The following IP6K2 variants were observed in gnomAD, a reference collection of about 807,000 sequenced individuals.
IP6K2 encodes ATP:1D-myo-inositol-hexakisphosphate phosphotransferase.
In IP6K2, 9 loss-of-function variants were observed where a neutral mutation model predicts 43.3. The observed-to-expected ratio is 0.21, with a 90% CI of 0.13 to 0.36. The LOEUF (loss-of-function observed/expected upper bound fraction) is 0.36, where lower values mean the gene tolerates loss of function less well. IP6K2 is among the 10% of genes least tolerant of loss of function. IP6K2 has a pLI of 1.00. For missense variants in IP6K2, 332 were observed against 538.4 expected, an observed-to-expected ratio of 0.62 and a Z score of 3.79; for synonymous variants, 209 against 202.4, an observed-to-expected ratio of 1.03 and a Z score of -0.28.
In IP6K2 at chr3:48,717,134, G is replaced by A. The variant is rs17523064; in HGVS notation, c.-131+23C>T. The A allele has an allele frequency of 5.2e-5, 8 of 154,964 alleles. No homozygotes were observed. In the East Asian group the frequency reaches 1.2e-3, roughly 22 times the overall value. 9.6% of individuals were successfully genotyped at this position (154,964 alleles called of 1,614,324 possible). A position where few individuals can be genotyped will look rare whatever the true frequency, so the allele number is the denominator to read the frequency against. ...CTCCCTCAAAGCTCCTCGGGCACTAGGGCCATAGGACGCGAGCTTTACCTG... is the reference window on the plus strand; with the variant it reads ...CTCCCTCAAAGCTCCTCGGGCACTAAGGCCATAGGACGCGAGCTTTACCTG... On this transcript the variant is annotated intron_variant, in intron 1 of 5. Transcript: ENST00000328631.
chr3:48,710,861 G>A lies in IP6K2; in HGVS notation c.-131+6296C>T, dbSNP rs563469040. ...CCTGACCTCGTGATCCATCCGCCTC[G>A]GCCGCCCAAAGTGCTGGGATTACAG... On this transcript the variant is annotated intron_variant, in intron 1 of 5. Coordinates refer to ENST00000328631, the MANE Select transcript of IP6K2 (RefSeq NM_016291.4). 1.6e-3 allele frequency among the ~76,000 whole-genome samples: 239 copies of A among 152,130 alleles called. 9 individuals carry two copies. The South Asian group carries it at 0.047, about 30-fold the overall frequency.
At chr3:48,704,354 T>C (rs1476379988) in intron 1 of IP6K2, among the ~76,000 whole-genome samples, 6 of 152,066 alleles carry the variant, frequency 3.9e-5, no homozygotes, top group African/African-American at 7.3e-5. Flanking sequence ...CATCCAGCAA[T>C]AGGAGATGAA....
chr3:48,704,498 G>A (rs1274451074), intron 1 of IP6K2, among the ~76,000 whole-genome samples: 1 of 150,388 alleles, frequency 6.6e-6, no homozygotes, highest in African/African-American at 2.5e-5. Context: ...TTTGAGACAG[G>A]GTCTCCATTG....
intron 1 of IP6K2, among the ~76,000 whole-genome samples, chr3:48,704,443 AT>A (rs2079455435): frequency 6.6e-6 from 1 of 151,594 alleles, no homozygotes; most frequent in Admixed American, 6.6e-5. Flanking sequence ...CCAATTTTAT[AT>A]TTTTTAACCA....
In IP6K2 at chr3:48,705,912, A is replaced by AAT. The variant is rs1300619931; in HGVS notation, c.-130-10492_-130-10491insAT. On this transcript the variant is annotated intron_variant, in intron 1 of 5. Transcript: ENST00000328631. ...AAAATAATAAAATAAAATAAAATAA[A>AAT]AAAAAACAGAAGGACAGGCATAGTG... Among the ~76,000 whole-genome samples, 342 of 150,382 alleles carry AAT rather than the reference A, an allele frequency of 2.3e-3. 3 individuals are homozygous for AAT. The highest frequency in any genetic ancestry group is 8.0e-3 in the African/African-American group (329 of 41,230).
At chr3:48,712,651 G>A (rs1250595822) in intron 1 of IP6K2, among the ~76,000 whole-genome samples, 1 of 152,118 alleles carries the variant, frequency 6.6e-6, no homozygotes, top group Admixed American at 6.5e-5. Context: ...AAGAGGTTGA[G>A]GCCATAGCGA....
chr3:48,715,505 G>A (rs2081091005), intron 1 of IP6K2: 3 of 1,507,596 alleles, frequency 2.0e-6, no homozygotes, highest in Admixed American at 3.9e-5. Flanking sequence ...AGCATACAGT[G>A]TACCTGTCTG....
chr3:48,710,417 T>C (rs1027237594), intron 1 of IP6K2, among the ~76,000 whole-genome samples: 26 of 152,274 alleles, frequency 1.7e-4, no homozygotes, highest in Non-Finnish European at 2.8e-4. Flanking sequence ...TAAGATTGCA[T>C]TTCAGGACCA....
chr3:48,691,238 C>G, intron 4 of IP6K2, 69 bp downstream of exon 4: 1 of 1,330,730 alleles, frequency 7.5e-7, no homozygotes. Flanking sequence ...TCTCTCCAAG[C>G]TCCAAGGGAC....
At chr3:48,699,135 C>G (rs557067212) in intron 1 of IP6K2, among the ~76,000 whole-genome samples, 2 of 152,104 alleles carry the variant, frequency 1.3e-5, no homozygotes, top group African/African-American at 4.8e-5. Flanking sequence ...TGGGGCCGGG[C>G]GTGGTGGCTC....
chr3:48,710,633 G>A lies in IP6K2; in HGVS notation c.-131+6524C>T, dbSNP rs573624112. On this transcript the variant is annotated intron_variant, in intron 1 of 5. Transcript: ENST00000328631. Reference sequence around the variant, plus strand: ...ATTAGTTTAGTTTTTTTTTTGAGACGGAGTCTCACTCTGTCGCCCAGGCTG... The same window carrying A: ...ATTAGTTTAGTTTTTTTTTTGAGACAGAGTCTCACTCTGTCGCCCAGGCTG... Among the ~76,000 whole-genome samples the A allele has an allele frequency of 5.9e-5, 9 of 151,700 alleles. No individual in the cohort carries two copies. The East Asian group carries it at 7.8e-4, about 13-fold the overall frequency.
chr3:48,691,619 C>T (rs2077788332), intron 3 of IP6K2, 137 bp from the exon 4 acceptor site: 2 of 599,146 alleles, frequency 3.3e-6, no homozygotes, highest in East Asian at 5.9e-5. Context: ...AGTTGGAGAC[C>T]AGCCTGGCCA....
At chr3:48,713,709 G>A (rs1415113788) in intron 1 of IP6K2, among the ~76,000 whole-genome samples, 1 of 151,406 alleles carries the variant, frequency 6.6e-6, no homozygotes, top group African/African-American at 2.4e-5. Context: ...TGTAATCCCA[G>A]CTACTCGGGA....
chr3:48,694,970 A>AG, intron 2 of IP6K2, 120 bp downstream of exon 2: 1 of 1,595,220 alleles, frequency 6.3e-7, no homozygotes, highest in Non-Finnish European at 8.5e-7. Flanking sequence ...GAGGAGAGGG[A>AG]GGGAAAGCAC....
intron 3 of IP6K2, 84 bp from the exon 4 acceptor site, chr3:48,691,566 A>T: frequency 9.6e-7 from 1 of 1,045,190 alleles, no homozygotes; most frequent in Non-Finnish European, 1.4e-6. Context: ...CTGTAATCCC[A>T]GCACTTTGGG....
chr3:48,708,211 C>T (rs1328248185), intron 1 of IP6K2: 1 of 152,034 alleles, frequency 6.6e-6, no homozygotes, highest in African/African-American at 2.4e-5. Flanking sequence ...CATGACTGTA[C>T]TCCAGCCTGG....
intron 1 of IP6K2, among the ~76,000 whole-genome samples, chr3:48,705,299 T>C (rs1043418276): frequency 2.0e-5 from 3 of 151,490 alleles, no homozygotes; most frequent in Admixed American, 1.3e-4. Flanking sequence ...TCAAGTGATC[T>C]GCCCGCGTCA....
intron 2 of IP6K2, chr3:48,694,074 A>G: frequency 6.8e-7 from 1 of 1,464,184 alleles, no homozygotes; most frequent in South Asian, 1.5e-5. Context: ...GCTGCAGGGG[A>G]ATGCGTGCTC....
intron 1 of IP6K2, among the ~76,000 whole-genome samples, chr3:48,707,395 G>A (rs888926319): frequency 3.9e-5 from 6 of 152,148 alleles, no homozygotes; most frequent in African/African-American, 1.4e-4. Flanking sequence ...ATGTATACAA[G>A]GTGCTAGAAG....
Sources: gnomAD v4.1 joint callset for allele counts (sites outside exome capture counted in the v4.1 genomes callset) on GRCh38, gnomAD v4.1.1 for gene constraint, MANE v1.5 for transcripts, NCBI Gene and HGNC (gene_info 2026-07-23, HGNC 2026-07-21) for gene names.